Variants in ZNF541 observed in about 807,000 individuals in gnomAD.
ZNF541 encodes the protein zinc finger protein 541.
In ZNF541, 23 loss-of-function variants were observed where a neutral mutation model predicts 123.5. The ratio of observed to expected loss-of-function variants is 0.19; its 90% CI spans 0.13 to 0.26. The LOEUF (loss-of-function observed/expected upper bound fraction) is 0.26, where lower values mean the gene tolerates loss of function less well. ZNF541 is among the 10% of genes least tolerant of loss of function. The pLI, the probability that ZNF541 is intolerant of heterozygous loss-of-function variation, is 1.00. For missense variants in ZNF541, 1,612 were observed against 1,789.9 expected (o/e 0.90, Z 1.79); for synonymous variants, 751 against 754.5 (o/e 1.00, Z 0.08).
rs1310238133 is a variant in ZNF541, at chr19:47,545,977, G to A, written c.552C>T (p.Thr184=). The A allele has an allele frequency of 4.1e-6, 6 of 1,466,746 alleles. No individual in the cohort carries two copies. The highest frequency in any genetic ancestry group is 1.4e-5 in the African/African-American group (1 of 70,638). The allele number at this position is 1,466,746 out of a possible 1,614,324, so 90.9% of individuals were successfully genotyped here. ...SKAFKRQDHL[T]GHMLTHQKTK... ...TCTTCTGGTGGGTGAGCATGTGCCC[G>A]GTCCTGGAGCCAGACACAAGCAGGG... Residue 184 remains threonine (T), a synonymous_variant, in exon 5 of 17, where the codon ACC becomes ACT. Transcript: ENST00000391901. This position sits in a 1 kb window ranked among gnomAD's most constrained non-coding sequence, Gnocchi z 7.5.
At chr19:47,539,221 C>T (rs1477078984) in intron 8 of ZNF541, among the ~76,000 whole-genome samples, 5 of 152,082 alleles carry the variant, frequency 3.3e-5, no homozygotes, top group Admixed American at 3.3e-4. Context: ...CAGCACAGGG[C>T]CTGGCACAGA....
rs1969927431 is a variant in ZNF541, at chr19:47,538,435, T to C, written c.2801A>G (p.Gln934Arg). The part of the protein sequence containing the change: ...TRHIGSMAMG[Q>R]EKDGEERDSK... ...GTCTCGCTCCTCCCCGTCTTTCTCT[T>C]GTCCCTGAAGAAGTTTAGAACCACA... The change falls in exon 9 of 17, where the codon CAA (glutamine) becomes CGA (arginine). Residue 934 changes from glutamine (Q) to arginine (R), a missense_variant. Physicochemically the swap from Gln to Arg is conservative, Grantham distance 43 (BLOSUM62 1). Transcript: ENST00000391901. 1 of 1,509,618 alleles carries C rather than the reference T, an allele frequency of 6.6e-7. No homozygotes were observed. The highest frequency in any genetic ancestry group is 1.3e-5 in the South Asian group (1 of 76,760). 93.5% of individuals were successfully genotyped at this position (1,509,618 alleles called of 1,614,324 possible).
Position 47,544,547 on chromosome 19 carries a change from G to T in ZNF541, c.1982C>A (p.Ala661Glu). The change falls in exon 5 of 17, where the codon GCA becomes GAA. Residue 661 changes from alanine (A) to glutamate (E), a missense_variant. This residue lies in a region of ZNF541 where 1,080 missense variants were observed against 1,013.8 expected (regional missense o/e 1.07). Coordinates refer to ENST00000391901, the MANE Select transcript of ZNF541 (RefSeq NM_001277075.3). ...CCTGGAAGGGTCCAGAGACGGTGCT[G>T]CAAGGGGCGTTGGAACCGCGGCCAC... ...LKVAAVPTPL[A>E]APSLDPSRNP... 1 of 1,551,664 alleles carries T rather than the reference G, an allele frequency of 6.4e-7. No homozygotes were observed. Among genetic ancestry groups the T allele is most frequent in the African/African-American group, 1.4e-5 (1 of 73,176 alleles).
At position 47,528,080 on chromosome 19, in the gene ZNF541, T is replaced by C. The variant is rs192354837; in HGVS notation, c.3570+870A>G. On this transcript the variant is annotated intron_variant, in intron 14 of 16. Coordinates refer to ENST00000391901, the MANE Select transcript of ZNF541 (RefSeq NM_001277075.3). ...CTGTAATCCCAGCACTTTGGGAGGC[T>C]GAGGCAGGTGGATCACCTGAGGTCG... Among the ~76,000 whole-genome samples, 848 of 131,534 alleles carry C rather than the reference T, an allele frequency of 6.4e-3. 15 individuals are homozygous for C. Among genetic ancestry groups the C allele is most frequent in the African/African-American group, 0.023 (809 of 35,742 alleles). 86.3% of individuals were successfully genotyped at this position (131,534 alleles called of 152,430 possible).
At chr19:47,536,021 T>TC (rs2123021690) in intron 9 of ZNF541, among the ~76,000 whole-genome samples, 1 of 152,330 alleles carries the variant, frequency 6.6e-6, no homozygotes, top group Non-Finnish European at 1.5e-5. Context: ...TTAAAAGTAT[T>TC]CCTTACAGGA....
At position 47,544,410 on chromosome 19, in the gene ZNF541, C is replaced by T; in HGVS notation, c.2119G>A (p.Glu707Lys). Residue 707 changes from glutamate to lysine, a missense_variant, in exon 5 of 17, where the codon GAG becomes AAG. Physicochemically the swap from Glu to Lys is moderately conservative, Grantham distance 56. Transcript: ENST00000391901. ...CCTGGCAGCGAGGCTCCTGGTGGCT[C>T]CTCCCCACCTAACTGGGTCTGCCGT... ...GQRQTQLGGE[E>K]PPGASLPGKQ... 6.4e-7 allele frequency: 1 copy of T among 1,551,572 alleles called. No homozygotes were observed. Among genetic ancestry groups the T allele is most frequent in the Non-Finnish European group, 8.7e-7 (1 of 1,147,006 alleles).
At chr19:47,540,442 C>CTTTTT in intron 6 of ZNF541, 107 bp from the exon 7 acceptor site, 2 of 951,576 alleles carry the variant, frequency 2.1e-6, no homozygotes, top group Non-Finnish European at 2.9e-6. Flanking sequence ...AATCCACTGA[C>CTTTTT]TTTTTTTTTT....
Position 47,555,669 on chromosome 19 carries a change from A to T in ZNF541, c.188T>A (p.Met63Lys). Residue 63 changes from methionine to lysine, a missense_variant, in exon 3 of 17, where the codon ATG (methionine) becomes AAG (lysine). By Grantham distance (95) the Met-to-Lys change is moderately conservative. Around this residue, in one of 5 missense-constraint regions of ZNF541, gnomAD observed 212 missense variants for 289.6 expected, o/e 0.73. Coordinates refer to ENST00000391901, the MANE Select transcript of ZNF541 (RefSeq NM_001277075.3). The stretch of plus-strand genomic sequence containing the variant: ...GTTGTCCTCCAGCACCTCGCTGGAC[A>T]TGTCAGGCGTTGGGAGGCTGGGGTC... ...DPDPSLPTPD[M>K]SSEVLEDNLD... 1.3e-6 allele frequency: 2 copies of T among 1,551,746 alleles called. No homozygotes were observed.
intron 2 of ZNF541, among the ~76,000 whole-genome samples, chr19:47,558,308 C>T (rs1347215710): frequency 1.3e-5 from 2 of 151,536 alleles, no homozygotes; most frequent in African/African-American, 4.8e-5. Context: ...CCCAGCTACT[C>T]GGGAGGCTGA....
rs201365427 is a variant in ZNF541, at chr19:47,530,177, TC to T, written c.3406-526del. Among the ~76,000 whole-genome samples the T allele has an allele frequency of 4.5e-3, 658 of 146,758 alleles. 13 individuals are homozygous for T. Among genetic ancestry groups the T allele is most frequent in the Admixed American group, 0.015 (219 of 14,680 alleles). On this transcript the variant is annotated intron_variant, in intron 12 of 16. Transcript: ENST00000391901. Reference sequence around the variant, plus strand: ...CTAGCTAACAATTTTCTTTGTTTTTTCTTTTTTTTGAGACAGAGTCTTGCTC... The same window carrying T: ...CTAGCTAACAATTTTCTTTGTTTTTTTTTTTTTTGAGACAGAGTCTTGCTC...
intron 3 of ZNF541, among the ~76,000 whole-genome samples, chr19:47,554,820 G>A (rs1428564085): frequency 6.6e-6 from 1 of 152,208 alleles, no homozygotes; most frequent in Non-Finnish European, 1.5e-5. Flanking sequence ...GGGGCCGAGT[G>A]TGGTGGCTCA....
chr19:47,533,695 T>G (rs1480814503), intron 9 of ZNF541, among the ~76,000 whole-genome samples: 2 of 151,910 alleles, frequency 1.3e-5, no homozygotes, highest in Non-Finnish European at 2.9e-5. Flanking sequence ...ATACAAAAAT[T>G]GGCTGGGCGT....
chr19:47,539,688 G>T lies in ZNF541; in HGVS notation c.2796+17C>A. 2 of 1,383,818 alleles carry T rather than the reference G, an allele frequency of 1.4e-6. No individual in the cohort carries two copies. The highest frequency in any genetic ancestry group is 1.9e-6 in the Non-Finnish European group (2 of 1,069,676). 85.7% of individuals were successfully genotyped at this position (1,383,818 alleles called of 1,614,324 possible). ...TGCGGGCAGTGGCAGGAAGGAGGCA[G>T]GCCGACAAGCACCCACCATGGCCAT... On this transcript the variant is annotated intron_variant, in intron 8 of 16. Coordinates refer to ENST00000391901, the MANE Select transcript of ZNF541 (RefSeq NM_001277075.3).
At position 47,549,330 on chromosome 19, in the gene ZNF541, G is replaced by A. The variant is rs562477360; in HGVS notation, c.463C>T (p.Leu155=). Residue 155 remains leucine, a synonymous_variant, in exon 4 of 17, where the codon CTG becomes TTG. Transcript: ENST00000391901. ...CTGTGTGTCAGGTAGTGCTTGCTCA[G>A]AGAACTGGCGCTGCTGAACACCTTC... ...CGKVFSSASS[L]SKHYLTHSQE... is the part of the protein sequence containing the mutation. 2 of 1,551,812 alleles carry A rather than the reference G, an allele frequency of 1.3e-6. No homozygotes were observed. The highest frequency in any genetic ancestry group is 2.0e-5 in the Admixed American group (1 of 50,980).
intron 3 of ZNF541, among the ~76,000 whole-genome samples, chr19:47,551,186 C>T (rs758149850): frequency 6.6e-6 from 1 of 151,716 alleles, no homozygotes; most frequent in Non-Finnish European, 1.5e-5. Context: ...ACTACAGGTA[C>T]CTGCCACCAT....
At chr19:47,552,992 C>G (rs1237789354) in intron 3 of ZNF541, among the ~76,000 whole-genome samples, 1 of 151,016 alleles carries the variant, frequency 6.6e-6, no homozygotes, top group Admixed American at 6.6e-5. Flanking sequence ...ACCTGTAATC[C>G]CAGCTACTCG....
chr19:47,572,492 A>G lies in ZNF541; in HGVS notation c.-245-450T>C, dbSNP rs113788341. Among the ~76,000 whole-genome samples, 408 of 152,212 alleles carry G rather than the reference A, an allele frequency of 2.7e-3. 6 individuals carry two copies. Among genetic ancestry groups the G allele is most frequent in the African/African-American group, 9.3e-3 (387 of 41,530 alleles). On this transcript the variant is annotated intron_variant, in intron 1 of 16. Transcript: ENST00000391901. Reference sequence around the variant, plus strand: ...TGAACGGATGAAAAAAAACTGGGTTAATTTTTTTTCTTTTTTTGCGCTAAG... The same window carrying G: ...TGAACGGATGAAAAAAAACTGGGTTGATTTTTTTTCTTTTTTTGCGCTAAG...
rs76752797 is a variant in ZNF541, at chr19:47,531,236, G to T, written c.3405+406C>A. On this transcript the variant is annotated intron_variant, in intron 12 of 16. Transcript: ENST00000391901. The stretch of plus-strand genomic sequence containing the variant: ...TCTAACACCCAGAATTGTGAGCGGG[G>T]GGGGGGGGGGGGGTCCTTGGAGTAG... Among the ~76,000 whole-genome samples the T allele has an allele frequency of 6.6e-4, 9 of 13,706 alleles. 1 individual carries two copies. The East Asian group carries it at 7.5e-3, about 11-fold the overall frequency. The allele number at this position is 13,706 out of a possible 152,430, so 9.0% of individuals were successfully genotyped here. A position where few individuals can be genotyped will look rare whatever the true frequency, so the allele number is the denominator to read the frequency against.
chr19:47,558,402 C>A (rs909639859), intron 2 of ZNF541, among the ~76,000 whole-genome samples: 1 of 150,362 alleles, frequency 6.7e-6, no homozygotes, highest in Non-Finnish European at 1.5e-5. Flanking sequence ...GGCAACAGAG[C>A]GAGACTCCAT....
Sources: allele counts gnomAD v4.1 joint callset (sites outside exome capture counted in the v4.1 genomes callset), GRCh38; gene constraint gnomAD v4.1.1; regional missense constraint gnomAD v4.1.1; non-coding constraint Gnocchi (gnomAD v3.1); transcripts MANE v1.5; gene names NCBI Gene and HGNC (gene_info 2026-07-23, HGNC 2026-07-21).